Variants in CREBRF observed in about 807,000 individuals in gnomAD.
The protein encoded by CREBRF is UPF0474 protein C5orf41.
A neutral mutation model predicts 66.1 loss-of-function variants in CREBRF; 5 were observed. The ratio of observed to expected loss-of-function variants is 0.08; its 90% CI spans 0.04 to 0.16. CREBRF has a LOEUF of 0.16. Ranked by LOEUF, CREBRF falls within the 10% of genes least tolerant of loss-of-function variation. CREBRF has a pLI of 1.00. For missense variants in CREBRF, 531 were observed against 744.9 expected (o/e 0.71, Z 3.34); for synonymous variants, 229 against 264.4 (o/e 0.87, Z 1.30).
chr5:173,111,821 C>T (rs1454733621), intron 6 of CREBRF, among the ~76,000 whole-genome samples: 2 of 152,220 alleles, frequency 1.3e-5, no homozygotes, highest in Non-Finnish European at 2.9e-5. Context: ...TCCAAAGTAG[C>T]TATATGTGCT....
chr5:173,062,994 G>C (rs182409076), intron 1 of CREBRF, among the ~76,000 whole-genome samples: 1 of 151,976 alleles, frequency 6.6e-6, no homozygotes, highest in Non-Finnish European at 1.5e-5. Flanking sequence ...TGATCCGCCC[G>C]CCTCGGCCTC....
At chr5:173,094,025 T>C (rs992282565) in intron 4 of CREBRF, among the ~76,000 whole-genome samples, 5 of 152,226 alleles carry the variant, frequency 3.3e-5, no homozygotes, top group African/African-American at 1.2e-4. Context: ...CATGCTGTAT[T>C]TGTCTTTCTG....
intron 4 of CREBRF, among the ~76,000 whole-genome samples, chr5:173,095,553 T>A (rs1758457706): frequency 6.6e-6 from 1 of 152,182 alleles, no homozygotes; most frequent in African/African-American, 2.4e-5. Context: ...AGTTTTGTTT[T>A]TCTTACCCAA....
chr5:173,100,112 GTGTGTGTA>G (rs1207636210), intron 4 of CREBRF, among the ~76,000 whole-genome samples: 3 of 127,626 alleles, frequency 2.4e-5, no homozygotes, highest in Non-Finnish European at 4.9e-5. Flanking sequence ...GTGTGTGTGT[GTGTGTGTA>G]TATATATATA....
At chr5:173,125,592 C>T (rs1377313855) in intron 8 of CREBRF, among the ~76,000 whole-genome samples, 1 of 152,166 alleles carries the variant, frequency 6.6e-6, no homozygotes, top group Admixed American at 6.5e-5. Flanking sequence ...CATCCGGGCA[C>T]GGTGGCTCAC....
intron 4 of CREBRF, among the ~76,000 whole-genome samples, chr5:173,097,275 T>G (rs1758501530): frequency 6.6e-6 from 1 of 152,330 alleles, no homozygotes; most frequent in South Asian, 2.1e-4. Context: ...TGAGACAGTC[T>G]TGCTCTGTCA....
chr5:173,070,634 G>A (rs747455034), intron 1 of CREBRF, among the ~76,000 whole-genome samples: 45 of 151,562 alleles, frequency 3.0e-4, no homozygotes, highest in Non-Finnish European at 5.6e-4. Flanking sequence ...ATTACATCAG[G>A]TCTTTAAAAT....
Position 173,134,375 on chromosome 5 carries a change from G to T in CREBRF, c.*630G>T, listed in dbSNP as rs532052649. ...GTATTTTGGGGAAACTCTAAAACTGGTAATATTTTGTATGATGAAAACCCT... is the reference window on the plus strand; with the variant it reads ...GTATTTTGGGGAAACTCTAAAACTGTTAATATTTTGTATGATGAAAACCCT... On this transcript the variant is annotated 3_prime_UTR_variant, in exon 9 of 9. Coordinates refer to ENST00000296953, the MANE Select transcript of CREBRF (RefSeq NM_153607.3). 2 of 319,374 alleles carry T rather than the reference G, an allele frequency of 6.3e-6. No individual in the cohort carries two copies. The highest frequency in any genetic ancestry group is 1.3e-5 in the Non-Finnish European group (2 of 158,926). 19.8% of individuals were successfully genotyped at this position (319,374 alleles called of 1,614,324 possible). A position where few individuals can be genotyped will look rare whatever the true frequency, so the allele number is the denominator to read the frequency against.
rs34542140 is a variant in CREBRF, at chr5:173,117,877, A to ATT, written c.1682-5190_1682-5189dup. 5.1e-4 allele frequency among the ~76,000 whole-genome samples: 67 copies of ATT among 130,646 alleles called. 1 individual carries two copies. The East Asian group carries it at 5.6e-3, about 11-fold the overall frequency. 85.7% of individuals were successfully genotyped at this position (130,646 alleles called of 152,430 possible). A position where few individuals can be genotyped will look rare whatever the true frequency, so the allele number is the denominator to read the frequency against. On this transcript the variant is annotated intron_variant, in intron 7 of 8. Transcript: ENST00000296953. Reference sequence around the variant, plus strand: ...AGGTGTGCACCACCACACCTGACTGATTTTTTTTTTTTTTGAGACGAAGTC... The same window carrying ATT: ...AGGTGTGCACCACCACACCTGACTGATTTTTTTTTTTTTTTTGAGACGAAGTC...
chr5:173,057,110 TTA>T (rs975798121), intron 1 of CREBRF, among the ~76,000 whole-genome samples: 5 of 151,390 alleles, frequency 3.3e-5, no homozygotes, highest in African/African-American at 1.2e-4. Context: ...CGGGATTTGT[TTA>T]TATGTCTTCT....
intron 1 of CREBRF, among the ~76,000 whole-genome samples, chr5:173,080,104 G>C (rs1273483165): frequency 6.6e-6 from 1 of 152,092 alleles, no homozygotes; most frequent in Non-Finnish European, 1.5e-5. Flanking sequence ...TTAATGTAGA[G>C]GATATGTTAA....
intron 3 of CREBRF, among the ~76,000 whole-genome samples, chr5:173,087,016 G>A (rs1488839685): frequency 2.0e-5 from 3 of 150,542 alleles, no homozygotes; most frequent in East Asian, 2.0e-4. Context: ...GTGCGATCTC[G>A]GCTCACTGCA....
rs1758281659 is a variant in CREBRF at position 173,090,047 on chromosome 5, A to G, written c.136-268A>G. ...TATGGTAAACTCAAGAGCCCTTGAT[A>G]TTTGGATCATACCTGAGCCTCTCAA... On this transcript the variant is annotated intron_variant, in intron 3 of 8. Coordinates refer to ENST00000296953, the MANE Select transcript of CREBRF (RefSeq NM_153607.3). The surrounding 1 kb of genome is among the most constrained non-coding windows in gnomAD (Gnocchi z 4.5). Among the ~76,000 whole-genome samples, 1 of 152,096 alleles carries G rather than the reference A, an allele frequency of 6.6e-6. No homozygotes were observed. Among genetic ancestry groups the G allele is most frequent in the Non-Finnish European group, 1.5e-5 (1 of 68,026 alleles).
chr5:173,085,893 G>T, intron 2 of CREBRF: 1 of 872,528 alleles, frequency 1.1e-6, no homozygotes, highest in Non-Finnish European at 2.0e-6. Context: ...GTCCCAACAA[G>T]CAAGAAAGGA....
At chr5:173,119,046 T>C (rs1300800071) in intron 7 of CREBRF, among the ~76,000 whole-genome samples, 1 of 152,206 alleles carries the variant, frequency 6.6e-6, no homozygotes, top group African/African-American at 2.4e-5. Flanking sequence ...AAAATTGTCT[T>C]GATCACTGTA....
At chr5:173,083,391 CAAG>C (rs1581672942) in intron 2 of CREBRF, among the ~76,000 whole-genome samples, 1 of 152,212 alleles carries the variant, frequency 6.6e-6, no homozygotes, top group East Asian at 1.9e-4. Flanking sequence ...AGAGAAAAAA[CAAG>C]AAGGAGAATT....
Position 173,091,316 on chromosome 5 carries a change from G to A in CREBRF, c.1137G>A (p.Leu379=). 1 of 1,613,280 alleles carries A rather than the reference G, an allele frequency of 6.2e-7. No individual in the cohort carries two copies. Among genetic ancestry groups the A allele is most frequent in the South Asian group, 1.1e-5 (1 of 91,004 alleles). ...HDEGFGSEHE[L]SENEEEEEEE... Reference sequence around the variant, plus strand: ...AAGGATTCGGCAGTGAGCATGAACTGTCTGAAAATGAGGAGGAGGAAGAAG... The same window carrying A: ...AAGGATTCGGCAGTGAGCATGAACTATCTGAAAATGAGGAGGAGGAAGAAG... Residue 379 remains leucine (L), a synonymous_variant, in exon 4 of 9, where the codon CTG becomes CTA. Transcript: ENST00000296953.
At chr5:173,091,940 A>ATG (rs1320191032) in intron 4 of CREBRF, 33 of 287,598 alleles carry the variant, frequency 1.1e-4, no homozygotes, top group East Asian at 1.7e-4. Flanking sequence ...CAAAAATCAG[A>ATG]TGTGGTGGCA....
intron 7 of CREBRF, among the ~76,000 whole-genome samples, chr5:173,113,312 T>C (rs1040604289): frequency 2.6e-5 from 4 of 151,582 alleles, no homozygotes; most frequent in Non-Finnish European, 5.9e-5. Context: ...TTCTTTTTTT[T>C]TTTTTCTTCT....
Sources: allele counts gnomAD v4.1 joint callset (sites outside exome capture counted in the v4.1 genomes callset), GRCh38; gene constraint gnomAD v4.1.1; non-coding constraint Gnocchi (gnomAD v3.1); transcripts MANE v1.5; gene names NCBI Gene and HGNC (gene_info 2026-07-23, HGNC 2026-07-21).